Variants in SMARCA1 observed in about 807,000 individuals in gnomAD.
SMARCA1 encodes SNF2 related chromatin remodeling ATPase 1, also known as SWI/SNF-related matrix-associated actin-dependent regulator of chromatin subfamily A member 1.
A neutral mutation model predicts 93.6 loss-of-function variants in SMARCA1; 17 were observed. The ratio of observed to expected loss-of-function variants is 0.18; its 90% CI spans 0.12 to 0.27. SMARCA1 has a LOEUF of 0.27. Among genes scored for constraint, SMARCA1 ranks in the 10% least tolerant of loss-of-function variants. The pLI, the probability that SMARCA1 is intolerant of heterozygous loss-of-function variation, is 1.00. For missense variants in SMARCA1, 630 were observed against 819.0 expected, an observed-to-expected ratio of 0.77 and a Z score of 2.82; for synonymous variants, 271 against 271.4, an observed-to-expected ratio of 1.00 and a Z score of 0.01.
chrX:129,500,295 G>A (rs898821469), intron 9 of SMARCA1, among the ~76,000 whole-genome samples: 3 of 111,979 alleles, frequency 2.7e-5, no homozygotes, highest in African/African-American at 6.5e-5. Flanking sequence ...AGCCTCCTGA[G>A]TAGCTGGAAT....
chrX:129,450,064 C>T (rs748770756), intron 23 of SMARCA1, among the ~76,000 whole-genome samples: 4 of 112,353 alleles, frequency 3.6e-5, no homozygotes, highest in African/African-American at 1.3e-4. Context: ...GGTATGTCTC[C>T]GCAAAATTCA....
chrX:129,507,176 CCA>C (rs1460262731), intron 7 of SMARCA1, among the ~76,000 whole-genome samples: 2 of 111,363 alleles, frequency 1.8e-5, no homozygotes, highest in Admixed American at 1.9e-4. Context: ...CCAAATTAGC[CCA>C]GTGATCCAAA....
intron 23 of SMARCA1, among the ~76,000 whole-genome samples, chrX:129,449,763 G>A (rs1932196392): frequency 9.1e-6 from 1 of 110,338 alleles, no homozygotes; most frequent in African/African-American, 3.3e-5. Flanking sequence ...TAGGTTTACT[G>A]GCAATTAAGA....
intron 9 of SMARCA1, among the ~76,000 whole-genome samples, chrX:129,501,451 A>G (rs1010842678): frequency 6.4e-5 from 7 of 109,139 alleles, no homozygotes; most frequent in Admixed American, 9.8e-5. Context: ...GCACGCCACC[A>G]CGCTCGGCTA....
At chrX:129,493,771 G>A (rs1018257362) in intron 12 of SMARCA1, among the ~76,000 whole-genome samples, 2 of 112,073 alleles carry the variant, frequency 1.8e-5, no homozygotes, top group African/African-American at 6.5e-5. Flanking sequence ...GTAGTTGCTT[G>A]ACAAATGTTA....
chrX:129,492,460 C>A (rs774009583), intron 13 of SMARCA1, among the ~76,000 whole-genome samples: 1 of 111,303 alleles, frequency 9.0e-6, no homozygotes, highest in Non-Finnish European at 1.9e-5. Flanking sequence ...TGAGTGAGAG[C>A]TGAAATATAT....
intron 3 of SMARCA1, 100 bp from the exon 4 acceptor site, chrX:129,516,094 G>A (rs181776287): frequency 4.5e-6 from 3 of 672,593 alleles, no homozygotes; most frequent in East Asian, 6.7e-5. Context: ...AAAAGAATGA[G>A]TTGTCCAAGG....
intron 23 of SMARCA1, among the ~76,000 whole-genome samples, chrX:129,463,941 A>G (rs1381570676): frequency 8.9e-6 from 1 of 111,787 alleles, no homozygotes; most frequent in Non-Finnish European, 1.9e-5. Flanking sequence ...TCCATCTCAA[A>G]ATAAATAAAT....
At chrX:129,462,334 C>T (rs1030275626) in intron 23 of SMARCA1, among the ~76,000 whole-genome samples, 1 of 111,792 alleles carries the variant, frequency 8.9e-6, no homozygotes, top group Non-Finnish European at 1.9e-5. Context: ...TCACAAGTGC[C>T]TCTTTCAAAT....
Position 129,465,830 on chromosome X carries a change from A to G in SMARCA1, c.2817+14T>C. 2.8e-6 allele frequency: 3 copies of G among 1,089,145 alleles called. No individual in the cohort carries two copies. Among genetic ancestry groups the G allele is most frequent in the Non-Finnish European group, 3.7e-6 (3 of 806,444 alleles). 89.8% of individuals were successfully genotyped at this position (1,089,145 alleles called of 1,213,427 possible). A position where few individuals can be genotyped will look rare whatever the true frequency, so the allele number is the denominator to read the frequency against. On this transcript the variant is annotated intron_variant, in intron 22 of 24. Coordinates refer to ENST00000371121, the MANE Select transcript of SMARCA1 (RefSeq NM_001282874.2). ...TAAAACGATCTAATAATAATTTGAC[A>G]TAAAACATAGTACTTTGGCATCCAG...
chrX:129,510,654 A>C (rs1044813312), intron 6 of SMARCA1, among the ~76,000 whole-genome samples: 7 of 112,430 alleles, frequency 6.2e-5, no homozygotes, highest in Non-Finnish European at 9.4e-5. Flanking sequence ...AATTAAATAT[A>C]CCGAGACATT....
At chrX:129,491,750 T>C (rs936210473) in intron 14 of SMARCA1, among the ~76,000 whole-genome samples, 191 bp downstream of exon 14, 4 of 112,121 alleles carry the variant, frequency 3.6e-5, no homozygotes, top group Admixed American at 2.8e-4. Flanking sequence ...TGGGGTGTGT[T>C]TGTTGTTCGC....
At chrX:129,454,648 T>TTTA (rs931491623) in intron 23 of SMARCA1, among the ~76,000 whole-genome samples, 2 of 110,787 alleles carry the variant, frequency 1.8e-5, no homozygotes, top group Non-Finnish European at 3.8e-5. Context: ...ACAGACACTT[T>TTTA]TTATTATTAT....
rs199564138 is a variant in SMARCA1, at chrX:129,468,799, G to T, written c.2672C>A (p.Ser891Tyr). ...TGAATACTCCATGACCTCCTCAGGG[G>T]ATTTGCCCTCTACCTCTCGAGCTAT... The part of the protein sequence containing the change: ...DNIAREVEGK[S>Y]PEEVMEYSAV... The change falls in exon 21 of 25, where the codon TCC becomes TAC. Residue 891 changes from serine (S) to tyrosine (Y), a missense_variant. Coordinates refer to ENST00000371121, the MANE Select transcript of SMARCA1 (RefSeq NM_001282874.2). 3 of 1,189,299 alleles carry T rather than the reference G, an allele frequency of 2.5e-6. No individual in the cohort carries two copies. In the Admixed American group the frequency reaches 6.6e-5, roughly 26 times the overall value.
At chrX:129,500,783 G>C (rs770573600) in intron 9 of SMARCA1, among the ~76,000 whole-genome samples, 2 of 111,982 alleles carry the variant, frequency 1.8e-5, no homozygotes, top group Admixed American at 9.5e-5. Flanking sequence ...CCATATATCA[G>C]GTCTCTATAT....
At position 129,523,352 on chromosome X, in the gene SMARCA1, C is replaced by A. The variant is rs764944837; in HGVS notation, c.19G>T (p.Ala7Ser). MEQDTAAVAATVAAADA... is the reference protein window; with the variant it reads MEQDTASVAATVAAADA... ...GCGGCTGCCACGGTGGCTGCCACTG[C>A]GGCAGTGTCCTGCTCCATGCCGTGG... Residue 7 changes from alanine (A) to serine (S), a missense_variant, in exon 1 of 25, where the codon GCA becomes TCA. Ala to Ser is a moderately conservative substitution (Grantham distance 99). Transcript: ENST00000371121. 29 of 1,189,905 alleles carry A rather than the reference C, an allele frequency of 2.4e-5. No individual in the cohort carries two copies. Among genetic ancestry groups the A allele is most frequent in the Middle Eastern group, 2.4e-4 (1 of 4,161 alleles).
intron 21 of SMARCA1, among the ~76,000 whole-genome samples, chrX:129,467,719 A>G (rs984382468): frequency 2.7e-5 from 3 of 110,958 alleles, no homozygotes; most frequent in African/African-American, 9.8e-5. Flanking sequence ...ATAAATTAAA[A>G]GCTGTTCCTA....
chrX:129,459,425 G>A (rs778259826), intron 23 of SMARCA1, among the ~76,000 whole-genome samples: 2 of 111,373 alleles, frequency 1.8e-5, no homozygotes, highest in Non-Finnish European at 3.8e-5. Flanking sequence ...CTCAAAAAAA[G>A]AAAAAAAGAA....
At chrX:129,456,644 T>A (rs1322801961) in intron 23 of SMARCA1, among the ~76,000 whole-genome samples, 1 of 111,907 alleles carries the variant, frequency 8.9e-6, no homozygotes, top group Non-Finnish European at 1.9e-5. Context: ...GTGATTCCAG[T>A]CCTCATGGAT....
Sources: gnomAD v4.1 joint callset for allele counts (sites outside exome capture counted in the v4.1 genomes callset) on GRCh38, gnomAD v4.1.1 for gene constraint, MANE v1.5 for transcripts, NCBI Gene and HGNC (gene_info 2026-07-23, HGNC 2026-07-21) for gene names.